SBF2: variants seen among roughly 807,000 people sequenced by gnomAD.
SBF2 encodes myotubularin-related protein 13.
SBF2 carries 112 observed loss-of-function variants against 225.2 expected under a neutral mutation model. The ratio of observed to expected loss-of-function variants is 0.50; its 90% CI spans 0.43 to 0.58. The LOEUF (loss-of-function observed/expected upper bound fraction) is 0.58. Ranked by LOEUF, SBF2 falls within the 20% of genes least tolerant of loss-of-function variation. The probability of loss-of-function intolerance (pLI) is 0.00; values close to 1 mark genes in which losing one functional copy is unlikely to be tolerated. For synonymous variants in SBF2, 763 were observed against 773.3 expected, an observed-to-expected ratio of 0.99 and a Z score of 0.22; for missense variants, 1,996 against 2,206.2, an observed-to-expected ratio of 0.90 and a Z score of 1.91.
chr11:9,939,715 C>G (rs1202048327), intron 16 of SBF2, among the ~76,000 whole-genome samples: 1 of 152,090 alleles, frequency 6.6e-6, no homozygotes, highest in East Asian at 1.9e-4. Flanking sequence ...AAACATAGCC[C>G]TTTGGACAGC....
At chr11:9,956,349 T>C (rs956812164) in intron 16 of SBF2, among the ~76,000 whole-genome samples, 2 of 152,172 alleles carry the variant, frequency 1.3e-5, no homozygotes, top group Non-Finnish European at 2.9e-5. Context: ...ATTTCTCATA[T>C]CTTATTAAAA....
intron 16 of SBF2, among the ~76,000 whole-genome samples, chr11:9,912,710 C>G (rs572143304): frequency 6.6e-6 from 1 of 152,328 alleles, no homozygotes; most frequent in South Asian, 2.1e-4. Flanking sequence ...GTACCATCTA[C>G]AGTACACTCC....
chr11:9,807,571 T>C (rs139577492), intron 32 of SBF2, among the ~76,000 whole-genome samples: 247 of 152,360 alleles, frequency 1.6e-3, no homozygotes, highest in African/African-American at 5.4e-3. Context: ...TGTATGCCTG[T>C]CTGGCTGGGC....
intron 2 of SBF2, among the ~76,000 whole-genome samples, chr11:10,117,658 G>A (rs1444410632): frequency 6.6e-6 from 1 of 152,002 alleles, no homozygotes; most frequent in African/African-American, 2.4e-5. Context: ...TGATTATTGG[G>A]AGCAGGGGAG....
At chr11:10,127,198 T>C (rs1344339914) in intron 2 of SBF2, among the ~76,000 whole-genome samples, 1 of 152,118 alleles carries the variant, frequency 6.6e-6, no homozygotes. Flanking sequence ...ATTTTATGTG[T>C]ATGCATATTT....
chr11:10,193,055 A>T (rs190887150), intron 2 of SBF2, among the ~76,000 whole-genome samples: 1 of 152,322 alleles, frequency 6.6e-6, no homozygotes, highest in East Asian at 1.9e-4. Context: ...CAACAACAAA[A>T]GGAGTTGAAC....
intron 13 of SBF2, among the ~76,000 whole-genome samples, chr11:9,984,230 G>C (rs533630887): frequency 6.6e-6 from 1 of 152,054 alleles, no homozygotes; most frequent in African/African-American, 2.4e-5. Flanking sequence ...AGCTTAAAGA[G>C]AAAACAATAA....
chr11:10,035,502 T>G (rs1228984133), intron 3 of SBF2, among the ~76,000 whole-genome samples: 1 of 152,150 alleles, frequency 6.6e-6, no homozygotes, highest in Non-Finnish European at 1.5e-5. Flanking sequence ...AGAAAAATTT[T>G]GCAATCTACC....
chr11:9,904,079 C>T (rs1202256176), intron 16 of SBF2, among the ~76,000 whole-genome samples: 1 of 152,062 alleles, frequency 6.6e-6, no homozygotes, highest in Admixed American at 6.6e-5. Flanking sequence ...TCCTGCCCCG[C>T]TCATGCCTGT....
Position 9,812,530 on chromosome 11 carries a change from A to G in SBF2, c.4155+2T>C. The G allele has an allele frequency of 6.2e-7, 1 of 1,614,086 alleles. No homozygotes were observed. Among genetic ancestry groups the G allele is most frequent in the Non-Finnish European group, 8.5e-7 (1 of 1,179,990 alleles). Reference sequence around the variant, plus strand: ...AAAGAAAGAAGCTGCTTCAGACATTACCTGTGGGAACCACTCAGAATCTCC... The same window carrying G: ...AAAGAAAGAAGCTGCTTCAGACATTGCCTGTGGGAACCACTCAGAATCTCC... On this transcript the variant is annotated splice_donor_variant, in intron 30 of 39. Coordinates refer to ENST00000256190, the MANE Select transcript of SBF2 (RefSeq NM_030962.4). LOFTEE classifies it high-confidence loss of function.
intron 33 of SBF2, among the ~76,000 whole-genome samples, chr11:9,792,196 C>G: frequency 6.6e-6 from 1 of 152,122 alleles, no homozygotes; most frequent in East Asian, 1.9e-4. Context: ...CTTTGGGAGG[C>G]TGACGTGGGC....
chr11:10,125,108 C>CA (rs374673085), intron 2 of SBF2, among the ~76,000 whole-genome samples: 47,529 of 102,054 alleles, frequency 0.47, 10,488 homozygotes, highest in Non-Finnish European at 0.57. Context: ...GACTGTGTCT[C>CA]AAAAAAAAAA....
chr11:9,846,970 A>G lies in SBF2; in HGVS notation c.2920T>C (p.Ser974Pro), dbSNP rs1469094891. Residue 974 changes from serine (S) to proline (P), a missense_variant, in exon 23 of 40, where the codon TCA becomes CCA. Coordinates refer to ENST00000256190, the MANE Select transcript of SBF2 (RefSeq NM_030962.4). ...QNMQEGLQIT[S>P]ASFQLIKVAF... is the part of the protein sequence containing the mutation. Reference sequence around the variant, plus strand: ...TTTTTTAATACCTGAAAAGATGCTGATGTGATCTGCAGTCCTTCTTGCATG... The same window carrying G: ...TTTTTTAATACCTGAAAAGATGCTGGTGTGATCTGCAGTCCTTCTTGCATG... 1 of 1,613,702 alleles carries G rather than the reference A, an allele frequency of 6.2e-7. No homozygotes were observed. The highest frequency in any genetic ancestry group is 8.5e-7 in the Non-Finnish European group (1 of 1,179,746).
intron 2 of SBF2, among the ~76,000 whole-genome samples, chr11:10,116,939 T>C (rs768877667): frequency 7.9e-5 from 12 of 152,256 alleles, no homozygotes; most frequent in Admixed American, 7.8e-4. Context: ...TTATGTTGAA[T>C]ATGGAAAACA....
intron 1 of SBF2, among the ~76,000 whole-genome samples, chr11:10,196,866 A>ATATTTT: frequency 1.1e-3 from 110 of 99,304 alleles, no homozygotes; most frequent in East Asian, 6.3e-3. Flanking sequence ...ATATATATAT[A>ATATTTT]TTTTTTTTTT....
chr11:9,938,807 T>C (rs1375566920), intron 16 of SBF2, among the ~76,000 whole-genome samples: 4 of 151,884 alleles, frequency 2.6e-5, no homozygotes, highest in East Asian at 3.9e-4. Flanking sequence ...ATGAAGAAAA[T>C]GTTCTAAACA....
chr11:10,146,633 T>C (rs1346567709), intron 2 of SBF2, among the ~76,000 whole-genome samples: 8 of 152,136 alleles, frequency 5.3e-5, no homozygotes, highest in Non-Finnish European at 1.2e-4. Context: ...GAAGACAACC[T>C]AGGCAATACC....
chr11:10,287,135 T>C (rs1963848322), intron 1 of SBF2, among the ~76,000 whole-genome samples: 1 of 152,190 alleles, frequency 6.6e-6, no homozygotes, highest in African/African-American at 2.4e-5. Flanking sequence ...CACAAAAAAC[T>C]GTATACTATT....
intron 1 of SBF2, among the ~76,000 whole-genome samples, chr11:10,264,354 C>G (rs962367912): frequency 2.0e-5 from 3 of 151,968 alleles, no homozygotes; most frequent in Non-Finnish European, 2.9e-5. Context: ...CCTATGTATA[C>G]TAAAAATTCT....
Sources: gnomAD v4.1 joint callset for allele counts (sites outside exome capture counted in the v4.1 genomes callset) on GRCh38, gnomAD v4.1.1 for gene constraint, MANE v1.5 for transcripts, NCBI Gene and HGNC (gene_info 2026-07-23, HGNC 2026-07-21) for gene names.